The following LDLRAD4 variants were observed in gnomAD, a reference collection of about 807,000 sequenced individuals.
The protein encoded by LDLRAD4 is low density lipoprotein receptor class A domain containing 4.
In LDLRAD4, 5 loss-of-function variants were observed where a neutral mutation model predicts 17.0. The observed-to-expected ratio is 0.29, with a 90% CI of 0.15 to 0.62. The LOEUF is 0.62. Ranked by LOEUF, LDLRAD4 falls within the 20% of genes least tolerant of loss-of-function variation. The pLI is 0.84. For synonymous variants in LDLRAD4, 168 were observed against 171.8 expected (o/e 0.98, Z 0.17); for missense variants, 340 against 424.7 (o/e 0.80, Z 1.75).
chr18:13,512,400 G>T (rs1313650103), intron 3 of LDLRAD4, among the ~76,000 whole-genome samples: 1 of 152,222 alleles, frequency 6.6e-6, no homozygotes, highest in African/African-American at 2.4e-5. Flanking sequence ...AACATCCCTT[G>T]TGGTTTTGTG....
chr18:13,428,987 AG>A (rs765573292), intron 2 of LDLRAD4, among the ~76,000 whole-genome samples: 1 of 152,206 alleles, frequency 6.6e-6, no homozygotes, highest in Non-Finnish European at 1.5e-5. Context: ...AGTGTGAGAC[AG>A]TGACTGCTAG....
chr18:13,597,835 G>A (rs1319599476), intron 3 of LDLRAD4, among the ~76,000 whole-genome samples: 2 of 150,946 alleles, frequency 1.3e-5, no homozygotes, highest in Admixed American at 1.3e-4. Flanking sequence ...TTTGGTTATT[G>A]TATTTTCAAT....
rs987194620 is a variant in LDLRAD4 at position 13,218,998 on chromosome 18, C to G, written c.-467+10C>G. On this transcript the variant is annotated intron_variant, in intron 1 of 5. Coordinates refer to the LDLRAD4 transcript ENST00000399848. The stretch of plus-strand genomic sequence containing the variant: ...CCTGGGGGCGCGCCCTGTGAGTACA[C>G]CGGTGGAAGACAGTGGGTTCGGTTT... The G allele has an allele frequency of 2.6e-5, 4 of 152,200 alleles. No individual in the cohort carries two copies. The highest frequency in any genetic ancestry group is 2.6e-4 in the Admixed American group (4 of 15,310). The allele number at this position is 152,200 out of a possible 1,614,324, so 9.4% of individuals were successfully genotyped here. A position where few individuals can be genotyped will look rare whatever the true frequency, so the allele number is the denominator to read the frequency against.
intron 1 of LDLRAD4, among the ~76,000 whole-genome samples, chr18:13,363,176 A>G (rs961719155): frequency 1.3e-5 from 2 of 151,640 alleles, no homozygotes; most frequent in African/African-American, 4.8e-5. Flanking sequence ...TAAAAATACA[A>G]AAAAAATTAG....
At chr18:13,500,786 A>G (rs2093601677) in intron 3 of LDLRAD4, 1 of 152,230 alleles carries the variant, frequency 6.6e-6, no homozygotes, top group Non-Finnish European at 1.5e-5. Flanking sequence ...GTAACCACAG[A>G]GACGAGATCA....
chr18:13,596,708 A>T (rs144448176), intron 3 of LDLRAD4, among the ~76,000 whole-genome samples: 1 of 152,310 alleles, frequency 6.6e-6, no homozygotes, highest in African/African-American at 2.4e-5. Flanking sequence ...GAGAACAAGC[A>T]TCTATTTATA....
chr18:13,308,425 T>A (rs1567990505), intron 1 of LDLRAD4, among the ~76,000 whole-genome samples: 1 of 152,238 alleles, frequency 6.6e-6, no homozygotes. Flanking sequence ...TAGGATGAAT[T>A]TCTGCAATTG....
At chr18:13,610,576 C>A (rs755367390) in intron 3 of LDLRAD4, among the ~76,000 whole-genome samples, 4 of 152,070 alleles carry the variant, frequency 2.6e-5, no homozygotes, top group African/African-American at 9.7e-5. Flanking sequence ...CTTGAGCCAC[C>A]GTGCCTGCCC....
intron 3 of LDLRAD4, among the ~76,000 whole-genome samples, chr18:13,546,197 C>T (rs952291464): frequency 2.6e-5 from 4 of 151,978 alleles, no homozygotes; most frequent in African/African-American, 7.3e-5. Context: ...TCAGCCTGGA[C>T]CCAATGGCTG....
At chr18:13,596,728 G>A (rs1297375550) in intron 3 of LDLRAD4, among the ~76,000 whole-genome samples, 1 of 152,142 alleles carries the variant, frequency 6.6e-6, no homozygotes, top group Non-Finnish European at 1.5e-5. Flanking sequence ...AGCATGTCTT[G>A]TATTAGCCTT....
intron 3 of LDLRAD4, among the ~76,000 whole-genome samples, chr18:13,441,416 C>T (rs1339882017): frequency 6.6e-6 from 1 of 152,228 alleles, no homozygotes; most frequent in Non-Finnish European, 1.5e-5. Context: ...TATGAAGTGC[C>T]ATGCTTCAGA....
chr18:13,320,129 C>T (rs143379438), intron 1 of LDLRAD4, among the ~76,000 whole-genome samples: 7 of 152,330 alleles, frequency 4.6e-5, no homozygotes, highest in African/African-American at 1.7e-4. Context: ...TATTTTATTG[C>T]ATATCTGATC....
chr18:13,470,430 G>A (rs1233636721), intron 3 of LDLRAD4, among the ~76,000 whole-genome samples: 1 of 151,366 alleles, frequency 6.6e-6, no homozygotes, highest in Admixed American at 6.6e-5. Flanking sequence ...TCCTTCCGCC[G>A]GCACCTCACC....
intron 2 of LDLRAD4, among the ~76,000 whole-genome samples, chr18:13,429,813 C>T (rs1039575875): frequency 6.6e-6 from 1 of 152,176 alleles, no homozygotes; most frequent in African/African-American, 2.4e-5. Flanking sequence ...GTCGCGAGGC[C>T]CCACAGGGAG....
intron 1 of LDLRAD4, among the ~76,000 whole-genome samples, chr18:13,287,316 A>T (rs1260301915): frequency 6.6e-6 from 1 of 152,192 alleles, no homozygotes; most frequent in Non-Finnish European, 1.5e-5. Context: ...AATCAGGATG[A>T]TCTGTTCTGT....
intron 4 of LDLRAD4, among the ~76,000 whole-genome samples, chr18:13,641,193 C>T (rs1372073558): frequency 6.6e-6 from 1 of 152,162 alleles, no homozygotes; most frequent in African/African-American, 2.4e-5. Context: ...GATTTCAGCA[C>T]TTTAGCAGGC....
intron 1 of LDLRAD4, among the ~76,000 whole-genome samples, chr18:13,310,356 TAA>T (rs71370950): frequency 7.0e-6 from 1 of 142,394 alleles, no homozygotes. Context: ...CTCTGTCTCT[TAA>T]AAAAAAAAAA....
chr18:13,577,106 A>G (rs1453771731), intron 3 of LDLRAD4, among the ~76,000 whole-genome samples: 1 of 151,638 alleles, frequency 6.6e-6, no homozygotes, highest in Non-Finnish European at 1.5e-5. Context: ...CCGAATTTGC[A>G]TGAGGCTAGT....
chr18:13,594,598 G>A (rs988022776), intron 3 of LDLRAD4, among the ~76,000 whole-genome samples: 2 of 144,472 alleles, frequency 1.4e-5, no homozygotes, highest in African/African-American at 5.1e-5. Context: ...CCCGGAAGGT[G>A]GAGGTTGCAG....
Sources: gnomAD v4.1 joint callset for allele counts (sites outside exome capture counted in the v4.1 genomes callset) on GRCh38, gnomAD v4.1.1 for gene constraint, MANE v1.5 for transcripts, NCBI Gene and HGNC (gene_info 2026-07-23, HGNC 2026-07-21) for gene names.